Variants in SAP130 observed in about 807,000 individuals in gnomAD.
SAP130 encodes histone deacetylase complex subunit SAP130.
A neutral mutation model predicts 103.2 loss-of-function variants in SAP130; 16 were observed. The ratio of observed to expected loss-of-function variants is 0.16; its 90% CI spans 0.10 to 0.24. The LOEUF (loss-of-function observed/expected upper bound fraction) is 0.24, where lower values mean the gene tolerates loss of function less well. SAP130 is among the 10% of genes least tolerant of loss of function. The probability of loss-of-function intolerance (pLI) is 1.00; values close to 1 mark genes in which losing one functional copy is unlikely to be tolerated. For missense variants in SAP130, 990 were observed against 1,359.7 expected, an observed-to-expected ratio of 0.73 and a Z score of 4.28; for synonymous variants, 477 against 497.0, an observed-to-expected ratio of 0.96 and a Z score of 0.53.
intron 15 of SAP130, among the ~76,000 whole-genome samples, chr2:127,975,719 T>C (rs1407410060): frequency 6.6e-6 from 1 of 152,194 alleles, no homozygotes; most frequent in Non-Finnish European, 1.5e-5. Context: ...GTGAATCAGC[T>C]AACTGCCATC....
At chr2:127,984,154 C>G (rs1682195417) in intron 14 of SAP130, among the ~76,000 whole-genome samples, 1 of 152,058 alleles carries the variant, frequency 6.6e-6, no homozygotes, top group African/African-American at 2.4e-5. Context: ...TCTTCCAACT[C>G]TTCTACTGAT....
At chr2:127,973,619 C>A (rs965998104) in intron 15 of SAP130, among the ~76,000 whole-genome samples, 4 of 152,208 alleles carry the variant, frequency 2.6e-5, no homozygotes, top group African/African-American at 9.7e-5. Context: ...AGTAAAACGA[C>A]TGAAACTAAC....
At position 127,993,218 on chromosome 2, in the gene SAP130, G is replaced by T; in HGVS notation, c.1446C>A (p.Thr482=). The T allele has an allele frequency of 6.2e-7, 1 of 1,614,058 alleles. No individual in the cohort carries two copies. ...PLAAHTYTPI[T]SSVSTIRQYP... is the part of the protein sequence containing the mutation. ...ACTGTCGGATAGTGGACACGGAACT[G>T]GTGATTGGGGTGTAGGTATGTGCCG... is the stretch of plus-strand genomic sequence containing the variant. The change falls in exon 12 of 21, where the codon ACC becomes ACA. Residue 482 remains threonine (T), a synonymous_variant. Transcript: ENST00000643581.
At chr2:127,978,590 T>C (rs1681640788) in intron 14 of SAP130, among the ~76,000 whole-genome samples, 3 of 152,324 alleles carry the variant, frequency 2.0e-5, no homozygotes, top group South Asian at 4.1e-4. Context: ...GGTTAGCACT[T>C]TGAAAACATG....
rs113445838 is a variant in SAP130 at position 128,022,996 on chromosome 2, ATT to A, written c.112+3183_112+3184del. On this transcript the variant is annotated intron_variant, in intron 2 of 20. Transcript: ENST00000643581. ...AGGCATGAGCCATCACACCTGGCTAATTTTTTTTTTTTTTTGAGACGGAATCT... is the reference window on the plus strand; with the variant it reads ...AGGCATGAGCCATCACACCTGGCTAATTTTTTTTTTTTTGAGACGGAATCT... Among the ~76,000 whole-genome samples, 6 of 141,770 alleles carry A rather than the reference ATT, an allele frequency of 4.2e-5. No homozygotes were observed. The South Asian group carries it at 6.8e-4, about 16-fold the overall frequency. The allele number at this position is 141,770 out of a possible 152,430, so 93.0% of individuals were successfully genotyped here. A position where few individuals can be genotyped will look rare whatever the true frequency, so the allele number is the denominator to read the frequency against.
At chr2:127,962,948 A>C (rs1680365511) in intron 15 of SAP130, among the ~76,000 whole-genome samples, 1 of 151,972 alleles carries the variant, frequency 6.6e-6, no homozygotes, top group Non-Finnish European at 1.5e-5. Context: ...TAATCACATA[A>C]ACCTTAAGTG....
At chr2:128,005,608 A>G (rs1284804861) in intron 7 of SAP130, among the ~76,000 whole-genome samples, 1 of 152,224 alleles carries the variant, frequency 6.6e-6, no homozygotes, top group East Asian at 1.9e-4. Context: ...CTAGGTCTCA[A>G]AAGAAAAAAA....
At chr2:127,976,775 T>C (rs1380930281) in intron 15 of SAP130, among the ~76,000 whole-genome samples, 1 of 152,148 alleles carries the variant, frequency 6.6e-6, no homozygotes, top group East Asian at 1.9e-4. Context: ...CTGGGTGTGG[T>C]AGCACGCTCC....
chr2:128,012,496 C>T (rs959719462), intron 6 of SAP130, among the ~76,000 whole-genome samples: 2 of 152,028 alleles, frequency 1.3e-5, no homozygotes, highest in Admixed American at 6.6e-5. Flanking sequence ...AACAAAAAAA[C>T]GCAGTGGCTC....
intron 2 of SAP130, among the ~76,000 whole-genome samples, chr2:128,021,533 G>T (rs1685162203): frequency 6.6e-6 from 1 of 151,820 alleles, no homozygotes; most frequent in Non-Finnish European, 1.5e-5. Context: ...TTTCTCCCAG[G>T]TCATTCAGAA....
chr2:128,027,859 G>T, intron 1 of SAP130, 81 bp downstream of exon 1: 1 of 891,204 alleles, frequency 1.1e-6, no homozygotes, highest in Non-Finnish European at 1.3e-6. Flanking sequence ...ACGCGCAACG[G>T]GACGGACGCT....
At chr2:128,027,379 C>A (rs1242155678) in intron 1 of SAP130, 4 of 1,144,478 alleles carry the variant, frequency 3.5e-6, no homozygotes, top group Non-Finnish European at 4.3e-6. Context: ...CAATCCACAG[C>A]GACCTGCACG....
intron 15 of SAP130, among the ~76,000 whole-genome samples, chr2:127,965,424 T>C (rs945244699): frequency 6.6e-6 from 1 of 152,100 alleles, no homozygotes; most frequent in African/African-American, 2.4e-5. Context: ...CAAGCCAGGA[T>C]TGTGCCACTG....
intron 6 of SAP130, among the ~76,000 whole-genome samples, chr2:128,011,945 T>C (rs1445247883): frequency 6.6e-6 from 1 of 152,170 alleles, no homozygotes; most frequent in East Asian, 1.9e-4. Context: ...CCCAGGTAGC[T>C]GGGATTACAG....
intron 15 of SAP130, among the ~76,000 whole-genome samples, chr2:127,956,955 T>C (rs2461438): frequency 0.94 from 142,935 of 152,252 alleles, 67,498 homozygotes; most frequent in East Asian, 1. Context: ...GTTTTTACTC[T>C]TATATTCTCA....
intron 15 of SAP130, among the ~76,000 whole-genome samples, chr2:127,974,604 G>A (rs775786918): frequency 1.6e-4 from 25 of 152,152 alleles, no homozygotes; most frequent in Middle Eastern, 6.8e-3. Context: ...ACCTGAGGTC[G>A]GGAGTTCAAG....
chr2:128,013,268 G>A (rs768654838), intron 5 of SAP130, 114 bp from the exon 6 acceptor site: 26 of 860,704 alleles, frequency 3.0e-5, no homozygotes, highest in Non-Finnish European at 4.0e-5. Context: ...AGTATGGTAT[G>A]TATACTTCCC....
intron 15 of SAP130, among the ~76,000 whole-genome samples, chr2:127,962,694 C>T (rs1163489387): frequency 1.5e-5 from 2 of 134,300 alleles, no homozygotes; most frequent in African/African-American, 2.9e-5. Context: ...CACATGGACA[C>T]AGGAAGGGGA....
chr2:127,961,943 G>C (rs1320252564), intron 15 of SAP130, among the ~76,000 whole-genome samples: 3 of 152,170 alleles, frequency 2.0e-5, no homozygotes, highest in Admixed American at 1.3e-4. Flanking sequence ...CAGCAAGCCA[G>C]CTATCTTTCA....
Sources: allele counts gnomAD v4.1 joint callset (sites outside exome capture counted in the v4.1 genomes callset), GRCh38; gene constraint gnomAD v4.1.1; transcripts MANE v1.5; gene names NCBI Gene and HGNC (gene_info 2026-07-23, HGNC 2026-07-21).